Variants in ZNF711 observed in about 807,000 individuals in gnomAD.
ZNF711 encodes ZFX family zinc finger ZNF711, also known as zinc finger protein 711.
Under a neutral mutation model 43.5 loss-of-function variants are expected in ZNF711, and 3 were observed. The ratio of observed to expected loss-of-function variants is 0.07; its 90% CI spans 0.03 to 0.18. ZNF711 has a LOEUF of 0.18. Ranked by LOEUF, ZNF711 falls within the 10% of genes least tolerant of loss-of-function variation. The pLI, the probability that ZNF711 is intolerant of heterozygous loss-of-function variation, is 1.00. For missense variants in ZNF711, 412 were observed against 604.0 expected (o/e 0.68, Z 3.33); for synonymous variants, 209 against 207.7 (o/e 1.01, Z -0.06).
At chrX:85,268,599 A>G (rs1471435978) in intron 9 of ZNF711, among the ~76,000 whole-genome samples, 1 of 111,375 alleles carries the variant, frequency 9.0e-6, no homozygotes, top group Non-Finnish European at 1.9e-5. Context: ...CAAATGGACC[A>G]TAACAGGTTG....
At chrX:85,254,914 A>G (rs1929982975) in intron 4 of ZNF711, among the ~76,000 whole-genome samples, 1 of 111,843 alleles carries the variant, frequency 8.9e-6, no homozygotes, top group Admixed American at 9.4e-5. Flanking sequence ...CAGTTTCTCC[A>G]CATCCTCACC....
At chrX:85,265,957 G>T (rs900780644) in intron 7 of ZNF711, among the ~76,000 whole-genome samples, 6 of 111,474 alleles carry the variant, frequency 5.4e-5, no homozygotes, top group Admixed American at 9.6e-5. Context: ...ACCACAGGAC[G>T]ATCAAACCTC....
At position 85,265,271 on chromosome X, in the gene ZNF711, C is replaced by T. The variant is rs929748163; in HGVS notation, c.916+16C>T. 2.2e-5 allele frequency: 27 copies of T among 1,200,201 alleles called. No homozygotes were observed. Among genetic ancestry groups the T allele is most frequent in the Non-Finnish European group, 2.7e-5 (24 of 888,413 alleles). On this transcript the variant is annotated intron_variant, in intron 7 of 10. Transcript: ENST00000674551. Reference sequence around the variant, plus strand: ...GATGATATCAGTAAGAAAATAAGGGCACTGTAGTGACTTATCAGTAGCCAT... The same window carrying T: ...GATGATATCAGTAAGAAAATAAGGGTACTGTAGTGACTTATCAGTAGCCAT...
chrX:85,248,669 A>G (rs775555859), intron 4 of ZNF711, among the ~76,000 whole-genome samples: 1 of 110,468 alleles, frequency 9.1e-6, no homozygotes, highest in Admixed American at 9.7e-5. Context: ...GATGAGATCA[A>G]AAGAATTGAA....
intron 8 of ZNF711, among the ~76,000 whole-genome samples, chrX:85,267,900 C>T (rs1411353422): frequency 9.0e-6 from 1 of 110,913 alleles, no homozygotes; most frequent in Non-Finnish European, 1.9e-5. Flanking sequence ...ATGTAACGTA[C>T]AAGATGGTCC....
rs1398338320 is a variant in ZNF711, at chrX:85,270,821, G to A, written c.1417G>A (p.Val473Met). ...TDCDFTTNKK[V>M]SFHNHLESHK... ...TTGTGACTTTACAACTAACAAGAAAGTGAGTTTCCATAACCACTTAGAAAG... is the reference window on the plus strand; with the variant it reads ...TTGTGACTTTACAACTAACAAGAAAATGAGTTTCCATAACCACTTAGAAAG... Residue 473 changes from valine to methionine, a missense_variant, in exon 11 of 11, where the codon GTG becomes ATG. By Grantham distance (21) the Val-to-Met change is conservative. Around this residue, in one of 4 missense-constraint regions of ZNF711, gnomAD observed 375 missense variants for 514.2 expected, o/e 0.73. Coordinates refer to ENST00000674551, the MANE Select transcript of ZNF711 (RefSeq NM_001330574.2). The A allele has an allele frequency of 7.5e-6, 9 of 1,206,253 alleles. No homozygotes were observed. The highest frequency in any genetic ancestry group is 1.0e-5 in the Non-Finnish European group (9 of 892,504).
chrX:85,251,116 C>G (rs1288173312), intron 4 of ZNF711, among the ~76,000 whole-genome samples: 1 of 111,079 alleles, frequency 9.0e-6, no homozygotes, highest in Non-Finnish European at 1.9e-5. Flanking sequence ...ATTTGCAGCC[C>G]CATAAATTAT....
At chrX:85,253,340 A>G (rs890646735) in intron 4 of ZNF711, among the ~76,000 whole-genome samples, 1 of 112,169 alleles carries the variant, frequency 8.9e-6, no homozygotes, top group African/African-American at 3.2e-5. Context: ...AAGTTCAGAC[A>G]CTTTCATGTT....
chrX:85,255,404 T>C lies in ZNF711; in HGVS notation c.225T>C (p.Asp75=), dbSNP rs1437243876. The C allele has an allele frequency of 8.3e-7, 1 of 1,209,885 alleles. No homozygotes were observed. The highest frequency in any genetic ancestry group is 3.0e-5 in the East Asian group (1 of 33,744). ...GLAAEVVHGP[D]IITETDVVTE... ...CAGCTGAAGTTGTCCATGGACCTGA[T>C]ATCATCACAGAGACTGATGTAGTAA... Residue 75 remains aspartate (D), a synonymous_variant, in exon 5 of 11, where the codon GAT becomes GAC. Coordinates refer to ENST00000674551, the MANE Select transcript of ZNF711 (RefSeq NM_001330574.2).
At chrX:85,268,252 T>C in intron 8 of ZNF711, 42 bp from the exon 9 acceptor site, 1 of 1,142,504 alleles carries the variant, frequency 8.8e-7, no homozygotes, top group Admixed American at 2.6e-5. Flanking sequence ...AATTAGCATA[T>C]CAGTTTGTAA....
Position 85,255,570 on chromosome X carries a change from G to A in ZNF711, c.391G>A (p.Ala131Thr). ...TAGGGTACCAGAGCAGGTTTTCGTG[G>A]CTGACCTTGTTACTGGTCCTAATGG... ...TVRVPEQVFV[A>T]DLVTGPNGHL... Residue 131 changes from alanine (A) to threonine (T), a missense_variant, in exon 5 of 11, where the codon GCT (alanine) becomes ACT (threonine). Physicochemically the swap from Ala to Thr is moderately conservative, Grantham distance 58. Coordinates refer to ENST00000674551, the MANE Select transcript of ZNF711 (RefSeq NM_001330574.2). 1 of 1,211,696 alleles carries A rather than the reference G, an allele frequency of 8.3e-7. No individual in the cohort carries two copies. The highest frequency in any genetic ancestry group is 1.1e-6 in the Non-Finnish European group (1 of 895,487).
chrX:85,255,718 C>T lies in ZNF711; in HGVS notation c.539C>T (p.Pro180Leu). 3 of 1,210,889 alleles carry T rather than the reference C, an allele frequency of 2.5e-6. No individual in the cohort carries two copies. Among genetic ancestry groups the T allele is most frequent in the African/African-American group, 1.7e-5 (1 of 57,653 alleles). ...GTGATTCAAGCAGCTGGAGGTGTTC[C>T]TGGTTCTACAGTTACTATAAAAACC... Reference protein sequence around the residue: ...ETVIQAAGGVPGSTVTIKTED... With the variant: ...ETVIQAAGGVLGSTVTIKTED... The change falls in exon 5 of 11, where the codon CCT (proline) becomes CTT (leucine). Residue 180 changes from proline (P) to leucine (L), a missense_variant. This residue lies in a region of ZNF711 where 375 missense variants were observed against 514.2 expected (regional missense o/e 0.73). Coordinates refer to ENST00000674551, the MANE Select transcript of ZNF711 (RefSeq NM_001330574.2).
chrX:85,270,351 A>G (rs995698738), intron 10 of ZNF711, among the ~76,000 whole-genome samples: 3 of 108,402 alleles, frequency 2.8e-5, no homozygotes, highest in Admixed American at 9.9e-5. Context: ...TATTCCAAAG[A>G]TACTTTTACA....
chrX:85,256,966 A>G lies in ZNF711; in HGVS notation c.622+1165A>G, dbSNP rs191275661. ...ATGATGTGGCAAAAGTTGGTAGTCT[A>G]CACTAAAATTCAGTATGTCTTCAAA... On this transcript the variant is annotated intron_variant, in intron 5 of 10. Transcript: ENST00000674551. Among the ~76,000 whole-genome samples the G allele has an allele frequency of 3.6e-5, 4 of 111,562 alleles. No individual in the cohort carries two copies. The Admixed American group carries it at 3.8e-4, about 11-fold the overall frequency.
Position 85,271,914 on chromosome X carries a change from C to T in ZNF711, c.*86C>T. On this transcript the variant is annotated 3_prime_UTR_variant, in exon 11 of 11. Coordinates refer to ENST00000674551, the MANE Select transcript of ZNF711 (RefSeq NM_001330574.2). Reference sequence around the variant, plus strand: ...TCTCACTAACTGTCTCACCGGGTTTCAAAGCTTGATACTAAACCATGACTT... The same window carrying T: ...TCTCACTAACTGTCTCACCGGGTTTTAAAGCTTGATACTAAACCATGACTT... 1 of 759,686 alleles carries T rather than the reference C, an allele frequency of 1.3e-6. No individual in the cohort carries two copies. Among genetic ancestry groups the T allele is most frequent in the Non-Finnish European group, 2.0e-6 (1 of 503,109 alleles). The allele number at this position is 759,686 out of a possible 1,213,427, so 62.6% of individuals were successfully genotyped here. A position where few individuals can be genotyped will look rare whatever the true frequency, so the allele number is the denominator to read the frequency against.
chrX:85,258,694 C>T (rs1336594749), intron 5 of ZNF711, among the ~76,000 whole-genome samples: 5 of 110,039 alleles, frequency 4.5e-5, no homozygotes, highest in Non-Finnish European at 9.5e-5. Flanking sequence ...TGTTTGTTGA[C>T]CACTTGTATG....
At chrX:85,269,399 A>G (rs1931377616) in intron 9 of ZNF711, among the ~76,000 whole-genome samples, 1 of 94,487 alleles carries the variant, frequency 1.1e-5, no homozygotes, top group African/African-American at 4.1e-5. Context: ...TTTTCAAGAG[A>G]CAGGGTCTTC....
chrX:85,248,205 C>T (rs1929214932), intron 4 of ZNF711, among the ~76,000 whole-genome samples: 1 of 105,752 alleles, frequency 9.5e-6, no homozygotes, highest in African/African-American at 3.5e-5. Flanking sequence ...CTTCGTGGCT[C>T]ATGCCTGTAA....
chrX:85,244,375 G>A (rs1475799102), intron 1 of ZNF711, among the ~76,000 whole-genome samples, 184 bp downstream of exon 1: 6 of 111,810 alleles, frequency 5.4e-5, no homozygotes, highest in Non-Finnish European at 9.4e-5. Flanking sequence ...AGCCGCAGCC[G>A]GGGGCTGGAG....
Sources: allele counts gnomAD v4.1 joint callset (sites outside exome capture counted in the v4.1 genomes callset), GRCh38; gene constraint gnomAD v4.1.1; regional missense constraint gnomAD v4.1.1; transcripts MANE v1.5; gene names NCBI Gene and HGNC (gene_info 2026-07-23, HGNC 2026-07-21).